CNTNAP2: variants seen among roughly 807,000 people sequenced by gnomAD.
The protein encoded by CNTNAP2 is contactin-associated protein-like 2.
In CNTNAP2, 98 loss-of-function variants were observed where a neutral mutation model predicts 155.2. The observed-to-expected ratio is 0.63, with a 90% CI of 0.54 to 0.75. The LOEUF (loss-of-function observed/expected upper bound fraction) is 0.75, where lower values mean the gene tolerates loss of function less well. Among genes scored for constraint, CNTNAP2 ranks in the 30% least tolerant of loss-of-function variants. CNTNAP2 has a pLI of 0.00. For missense variants in CNTNAP2, 1,727 were observed against 1,688.1 expected (o/e 1.02, Z -0.40); for synonymous variants, 651 against 631.2 (o/e 1.03, Z -0.47).
At chr7:146,827,377 A>G (rs912961300) in intron 2 of CNTNAP2, among the ~76,000 whole-genome samples, 18 of 152,022 alleles carry the variant, frequency 1.2e-4, no homozygotes, top group African/African-American at 3.6e-4. Context: ...TAGAGGGGCA[A>G]TTTGGTAACC....
chr7:147,775,288 T>TATTTATAA (rs1797552600), intron 13 of CNTNAP2, among the ~76,000 whole-genome samples: 2 of 58,112 alleles, frequency 3.4e-5, no homozygotes, highest in African/African-American at 2.7e-4. Context: ...TTTATAAATA[T>TATTTATAA]ATATATTTAT....
chr7:148,060,437 C>T (rs879263083), intron 15 of CNTNAP2, among the ~76,000 whole-genome samples: 3 of 152,064 alleles, frequency 2.0e-5, no homozygotes, highest in Admixed American at 2.0e-4. Flanking sequence ...AATTGCAATT[C>T]TAAATTAGCT....
At chr7:146,689,075 A>G (rs1800652864) in intron 1 of CNTNAP2, among the ~76,000 whole-genome samples, 1 of 152,136 alleles carries the variant, frequency 6.6e-6, no homozygotes, top group Non-Finnish European at 1.5e-5. Context: ...TCATATCAGA[A>G]TTTAGGAGGC....
intron 1 of CNTNAP2, among the ~76,000 whole-genome samples, chr7:146,141,161 A>G (rs1038717682): frequency 6.6e-6 from 1 of 152,190 alleles, no homozygotes; most frequent in African/African-American, 2.4e-5. Flanking sequence ...AGTCACAGAT[A>G]CCAATGCTGC....
intron 5 of CNTNAP2, among the ~76,000 whole-genome samples, chr7:147,119,584 A>G (rs566705261): frequency 6.1e-4 from 92 of 151,840 alleles, no homozygotes; most frequent in South Asian, 1.2e-3. Context: ...TCCTTGTCTC[A>G]TTTTACGCAT....
At chr7:146,661,286 T>G (rs1800082794) in intron 1 of CNTNAP2, among the ~76,000 whole-genome samples, 1 of 150,316 alleles carries the variant, frequency 6.7e-6, no homozygotes, top group African/African-American at 2.5e-5. Flanking sequence ...GCTTTTAGGT[T>G]TTTTTTTTAA....
At chr7:146,536,366 G>A (rs1797868771) in intron 1 of CNTNAP2, among the ~76,000 whole-genome samples, 1 of 151,906 alleles carries the variant, frequency 6.6e-6, no homozygotes, top group South Asian at 2.1e-4. Context: ...TAATAATAAA[G>A]GAAACCCTTT....
rs78734550 is a variant in CNTNAP2 at position 147,113,658 on chromosome 7, C to T, written c.754+5308C>T. Reference sequence around the variant, plus strand: ...TGATGAGAACAGCAAGGGGAACCACCCCCATGACGTCCCTCCCCCAACACA... The same window carrying T: ...TGATGAGAACAGCAAGGGGAACCACTCCCATGACGTCCCTCCCCCAACACA... On this transcript the variant is annotated intron_variant, in intron 5 of 23. Transcript: ENST00000361727. 2.2e-3 allele frequency among the ~76,000 whole-genome samples: 330 copies of T among 152,238 alleles called. 4 individuals are homozygous for T. Among genetic ancestry groups the T allele is most frequent in the African/African-American group, 7.0e-3 (292 of 41,544 alleles).
At chr7:147,731,670 G>T (rs1464115645) in intron 13 of CNTNAP2, among the ~76,000 whole-genome samples, 1 of 152,060 alleles carries the variant, frequency 6.6e-6, no homozygotes, top group Non-Finnish European at 1.5e-5. Flanking sequence ...TATTATTTAA[G>T]AAATACAATT....
intron 21 of CNTNAP2, among the ~76,000 whole-genome samples, chr7:148,303,346 AC>A (rs1267564797): frequency 6.6e-6 from 1 of 152,164 alleles, no homozygotes; most frequent in Non-Finnish European, 1.5e-5. Flanking sequence ...CTCAGTAAGC[AC>A]CTGCTGAACA....
chr7:147,879,384 T>C (rs1008793822), intron 13 of CNTNAP2, among the ~76,000 whole-genome samples: 2 of 152,226 alleles, frequency 1.3e-5, no homozygotes, highest in Admixed American at 1.3e-4. Flanking sequence ...TTGCTCTGAC[T>C]CTGCCAGGCA....
At chr7:146,293,407 C>G (rs1004411602) in intron 1 of CNTNAP2, among the ~76,000 whole-genome samples, 2 of 152,058 alleles carry the variant, frequency 1.3e-5, no homozygotes, top group South Asian at 4.1e-4. Context: ...ATAGTTTGAC[C>G]TAGTCTTCTA....
chr7:148,262,410 T>C (rs1373660285), intron 20 of CNTNAP2, among the ~76,000 whole-genome samples: 1 of 152,156 alleles, frequency 6.6e-6, no homozygotes, highest in East Asian at 1.9e-4. Flanking sequence ...ACAACATGCA[T>C]TTACTATCTC....
chr7:148,099,793 G>T (rs977267256), intron 15 of CNTNAP2, among the ~76,000 whole-genome samples: 1 of 148,614 alleles, frequency 6.7e-6, no homozygotes, highest in African/African-American at 2.5e-5. Context: ...CAGGGCCCTC[G>T]CTTCTCTACC....
At chr7:146,784,803 C>G (rs1397264082) in intron 2 of CNTNAP2, among the ~76,000 whole-genome samples, 1 of 152,144 alleles carries the variant, frequency 6.6e-6, no homozygotes, top group Non-Finnish European at 1.5e-5. Flanking sequence ...GACCACACCT[C>G]CCTCTGTGCG....
chr7:147,579,551 T>G (rs749423275), intron 12 of CNTNAP2, among the ~76,000 whole-genome samples: 16 of 152,206 alleles, frequency 1.1e-4, no homozygotes, highest in Non-Finnish European at 1.5e-5. Context: ...TTATAGCCAA[T>G]TTCTGATAGA....
intron 8 of CNTNAP2, among the ~76,000 whole-genome samples, chr7:147,151,879 T>C (rs767242216): frequency 1.3e-5 from 2 of 152,166 alleles, no homozygotes; most frequent in Non-Finnish European, 2.9e-5. Context: ...GGTCTATCTT[T>C]GGCTTTCATG....
intron 11 of CNTNAP2, among the ~76,000 whole-genome samples, chr7:147,558,775 C>A (rs1048416717): frequency 6.6e-6 from 1 of 151,268 alleles, no homozygotes; most frequent in African/African-American, 2.4e-5. Context: ...TGGAGTCTTA[C>A]TCTGTCACCC....
chr7:147,666,640 C>T (rs1795701103), intron 13 of CNTNAP2, among the ~76,000 whole-genome samples: 1 of 152,196 alleles, frequency 6.6e-6, no homozygotes, highest in Non-Finnish European at 1.5e-5. Context: ...CCCATGTTTA[C>T]TGTGTCTCTT....
Sources: allele counts gnomAD v4.1 joint callset (sites outside exome capture counted in the v4.1 genomes callset), GRCh38; gene constraint gnomAD v4.1.1; transcripts MANE v1.5; gene names NCBI Gene and HGNC (gene_info 2026-07-23, HGNC 2026-07-21).